The following DNAH14 variants were observed in gnomAD, a reference collection of about 807,000 sequenced individuals.
DNAH14 encodes the protein axonemal beta dynein heavy chain 14.
DNAH14 carries 478 observed loss-of-function variants against 520.9 expected under a neutral mutation model. That is an observed-to-expected ratio of 0.92 (90% CI 0.85 to 0.99). The LOEUF (loss-of-function observed/expected upper bound fraction) is 0.99. Among genes scored for constraint, DNAH14 ranks in the 50% least tolerant of loss-of-function variants. The pLI is 0.00. For missense variants in DNAH14, 4,831 were observed against 5,234.5 expected (o/e 0.92, Z 2.38); for synonymous variants, 1,581 against 1,757.2 (o/e 0.90, Z 2.51).
At position 225,333,523 on chromosome 1, in the gene DNAH14, A is replaced by T. The variant is rs1224662271; in HGVS notation, c.10080+17A>T. Reference sequence around the variant, plus strand: ...AAATATGAGGTAATAACATATTTCTATTATCCAGTTAAGTGGCTATTATTG... The same window carrying T: ...AAATATGAGGTAATAACATATTTCTTTTATCCAGTTAAGTGGCTATTATTG... On this transcript the variant is annotated intron_variant, in intron 66 of 85. Coordinates refer to ENST00000682510, the MANE Select transcript of DNAH14 (RefSeq NM_001367479.1). 1.2e-5 allele frequency: 19 copies of T among 1,535,266 alleles called. No homozygotes were observed. Among genetic ancestry groups the T allele is most frequent in the Non-Finnish European group, 1.5e-5 (17 of 1,134,136 alleles).
intron 46 of DNAH14, 127 bp downstream of exon 46, chr1:225,259,380 G>C: frequency 1.5e-6 from 1 of 668,326 alleles, no homozygotes; most frequent in Non-Finnish European, 2.2e-6. Context: ...CAAAAGAGGA[G>C]ATAAGAAGAA....
At chr1:225,145,518 T>G in intron 30 of DNAH14, 139 bp downstream of exon 30, 1 of 620,604 alleles carries the variant, frequency 1.6e-6, no homozygotes, top group South Asian at 3.8e-5. Context: ...TGCTGTTACT[T>G]CTTTTAAACT....
At chr1:225,258,179 G>A in intron 45 of DNAH14, 61 bp downstream of exon 45, 1 of 1,343,328 alleles carries the variant, frequency 7.4e-7, no homozygotes, top group Non-Finnish European at 9.7e-7. Context: ...ACAGATATTT[G>A]GTCTAACTAT....
At chr1:225,093,682 G>A (rs2074622885) in intron 21 of DNAH14, among the ~76,000 whole-genome samples, 1 of 152,118 alleles carries the variant, frequency 6.6e-6, no homozygotes, top group African/African-American at 2.4e-5. Flanking sequence ...AGGAAAAAAG[G>A]AAGTCAAACT....
intron 34 of DNAH14, among the ~76,000 whole-genome samples, chr1:225,155,425 G>A (rs1311904402): frequency 2.7e-5 from 4 of 149,582 alleles, no homozygotes; most frequent in East Asian, 4.2e-4. Context: ...AAGAACTGAG[G>A]CATATATTGC....
Position 225,206,964 on chromosome 1 carries a change from T to C in DNAH14, c.6187-4T>C, listed in dbSNP as rs1180376289. ...TAAGATTATATTTTGCTCCTTATTA[T>C]TAGGATCCTGTTGATCTGGGATGGG... On this transcript the variant is annotated splice_polypyrimidine_tract_variant and splice_region_variant and intron_variant, in intron 40 of 85. Coordinates refer to ENST00000682510, the MANE Select transcript of DNAH14 (RefSeq NM_001367479.1). The C allele has an allele frequency of 1.4e-6, 2 of 1,477,174 alleles. No homozygotes were observed. The highest frequency in any genetic ancestry group is 2.8e-5 in the South Asian group (2 of 72,182). The allele number at this position is 1,477,174 out of a possible 1,614,324, so 91.5% of individuals were successfully genotyped here.
At chr1:225,248,501 A>G (rs1018976885) in intron 43 of DNAH14, among the ~76,000 whole-genome samples, 1 of 152,350 alleles carries the variant, frequency 6.6e-6, no homozygotes, top group South Asian at 2.1e-4. Flanking sequence ...AGAAAAATGT[A>G]TAAATCTAAT....
At chr1:225,284,630 A>G (rs1276660797) in intron 54 of DNAH14, among the ~76,000 whole-genome samples, 1 of 152,222 alleles carries the variant, frequency 6.6e-6, no homozygotes, top group East Asian at 1.9e-4. Flanking sequence ...TTCCCAATTC[A>G]TCTATAAGGT....
intron 66 of DNAH14, among the ~76,000 whole-genome samples, chr1:225,335,372 T>TTTGTGTGCACATATACAC: frequency 1.6e-5 from 1 of 61,346 alleles, no homozygotes; most frequent in East Asian, 7.8e-4. Flanking sequence ...CGTGTACATG[T>TTTGTGTGCACATATACAC]GTGTGTATAT....
chr1:224,962,247 C>A (rs2060894553), intron 4 of DNAH14, among the ~76,000 whole-genome samples: 1 of 152,072 alleles, frequency 6.6e-6, no homozygotes, highest in Non-Finnish European at 1.5e-5. Flanking sequence ...ACTGTCACTC[C>A]CATGCTTTTA....
At chr1:225,098,741 T>C (rs2075203379) in intron 22 of DNAH14, among the ~76,000 whole-genome samples, 1 of 152,214 alleles carries the variant, frequency 6.6e-6, no homozygotes, top group African/African-American at 2.4e-5. Flanking sequence ...ACAACAACTT[T>C]GAGCCTTAAG....
chr1:225,303,107 CA>C (rs1283207832), intron 56 of DNAH14, 48 bp from the exon 57 acceptor site: 2 of 1,268,258 alleles, frequency 1.6e-6, no homozygotes, highest in Non-Finnish European at 2.1e-6. Flanking sequence ...AATATTTTTT[CA>C]AAACAGTGGA....
Position 225,082,685 on chromosome 1 carries a change from G to C in DNAH14, c.3273G>C (p.Gly1091=). ...GGGAGGCTCTCCAGGAGATTATTGG[G>C]AAGTCAGTTCCGCTTGATAAAAACT... The part of the protein sequence containing the change: ...RHWEALQEII[G]KSVPLDKNCK... Residue 1091 remains glycine, a synonymous_variant, in exon 20 of 86, where the codon GGG becomes GGC. Coordinates refer to ENST00000682510, the MANE Select transcript of DNAH14 (RefSeq NM_001367479.1). 6.4e-7 allele frequency: 1 copy of C among 1,551,404 alleles called. No homozygotes were observed. Among genetic ancestry groups the C allele is most frequent in the South Asian group, 1.2e-5 (1 of 84,044 alleles).
chr1:225,316,740 T>C (rs2094474360), intron 60 of DNAH14, among the ~76,000 whole-genome samples: 1 of 152,062 alleles, frequency 6.6e-6, no homozygotes, highest in African/African-American at 2.4e-5. Context: ...AATGCAGAAA[T>C]CACCCACCTT....
chr1:225,086,715 C>CA lies in DNAH14; in HGVS notation c.3573+934dup, dbSNP rs200789407. 1.0e-3 allele frequency among the ~76,000 whole-genome samples: 150 copies of CA among 150,218 alleles called. 1 individual carries two copies. The highest frequency in any genetic ancestry group is 4.9e-3 in the East Asian group (25 of 5,094). On this transcript the variant is annotated intron_variant, in intron 21 of 85. Coordinates refer to ENST00000682510, the MANE Select transcript of DNAH14 (RefSeq NM_001367479.1). The stretch of plus-strand genomic sequence containing the variant: ...CTTTATTCTTTAATCACATGCAGTA[C>CA]AAAAAAAATGAACAGCAGAAAAACA...
At chr1:225,109,490 T>G (rs1388185987) in intron 23 of DNAH14, among the ~76,000 whole-genome samples, 2 of 152,138 alleles carry the variant, frequency 1.3e-5, no homozygotes, top group East Asian at 3.8e-4. Context: ...TGAGATTACT[T>G]TCTTGATTTT....
At chr1:225,057,924 A>G (rs2069372534) in intron 17 of DNAH14, among the ~76,000 whole-genome samples, 1 of 152,166 alleles carries the variant, frequency 6.6e-6, no homozygotes, top group Non-Finnish European at 1.5e-5. Flanking sequence ...TGCTGGATTC[A>G]GTTTGCCAGT....
Position 225,277,453 on chromosome 1 carries a change from T to A in DNAH14, c.8222T>A (p.Ile2741Asn). 1 of 471,000 alleles carries A rather than the reference T, an allele frequency of 2.1e-6. No homozygotes were observed. Among genetic ancestry groups the A allele is most frequent in the Non-Finnish European group, 4.4e-6 (1 of 226,966 alleles). 29.2% of individuals were successfully genotyped at this position (471,000 alleles called of 1,614,324 possible). A position where few individuals can be genotyped will look rare whatever the true frequency, so the allele number is the denominator to read the frequency against. The change falls in exon 54 of 86, where the codon ATC (isoleucine) becomes AAC (asparagine). Residue 2741 changes from isoleucine (I) to asparagine (N), a missense_variant. Ile to Asn is a moderately radical substitution (Grantham distance 149). Transcript: ENST00000682510. Reference protein sequence around the residue: ...MVFFKEAIEHIIRATRVLRQP... With the variant: ...MVFFKEAIEHNIRATRVLRQP... ...TTCTTCAAGGAAGCCATAGAACACA[T>A]CATAAGAGCAACAAGGGTTCTTCGA...
chr1:224,929,868 G>C (rs1428362585), intron 1 of DNAH14, 33 bp downstream of exon 1: 5 of 643,536 alleles, frequency 7.8e-6, no homozygotes, highest in East Asian at 5.7e-5. Context: ...GTCAGCGGTC[G>C]GCAGAGCCTC....
Sources: gnomAD v4.1 joint callset for allele counts (sites outside exome capture counted in the v4.1 genomes callset) on GRCh38, gnomAD v4.1.1 for gene constraint, MANE v1.5 for transcripts, NCBI Gene and HGNC (gene_info 2026-07-23, HGNC 2026-07-21) for gene names.